Variants in CCDC183 observed in about 807,000 individuals in gnomAD.
The protein encoded by CCDC183 is coiled-coil domain containing 183.
CCDC183 carries 63 observed loss-of-function variants against 65.2 expected under a neutral mutation model. That is an observed-to-expected ratio of 0.97 (90% CI 0.79 to 1.19). CCDC183 has a LOEUF of 1.19. Among genes scored for constraint, CCDC183 ranks in the 50% most tolerant of loss-of-function variants. CCDC183 has a pLI of 0.00. For synonymous variants in CCDC183, 323 were observed against 276.5 expected (o/e 1.17, Z -1.67); for missense variants, 769 against 689.3 (o/e 1.12, Z -1.30).
At position 136,807,588 on chromosome 9, in the gene CCDC183, C is replaced by G. The variant is rs760372605; in HGVS notation, c.1503C>G (p.Pro501=). 2 of 1,604,692 alleles carry G rather than the reference C, an allele frequency of 1.2e-6. No homozygotes were observed. Among genetic ancestry groups the G allele is most frequent in the South Asian group, 1.1e-5 (1 of 89,826 alleles). ...CGCCCGCAGACACCTTCCAGTTCCC[C>G]GACATGGACCACAGCTACGTCCCTT... ...EEDMIDTFQF[P]DMDHSYVPSR... is the part of the protein sequence containing the mutation. The change falls in exon 14 of 14, where the codon CCC becomes CCG. Residue 501 remains proline (P), a synonymous_variant. Coordinates refer to ENST00000338005, the MANE Select transcript of CCDC183 (RefSeq NM_001039374.5).
Position 136,804,626 on chromosome 9 carries a change from G to A in CCDC183, c.791G>A (p.Arg264Gln), listed in dbSNP as rs371117518. 4.6e-5 allele frequency: 74 copies of A among 1,613,522 alleles called. 1 individual carries two copies. In the Admixed American group the frequency reaches 8.7e-4, roughly 19 times the overall value. ...HTKETSEKYRRGQMDLDFPSN... is the reference protein window; with the variant it reads ...HTKETSEKYRQGQMDLDFPSN... Reference sequence around the variant, plus strand: ...AAGGAGACCAGCGAGAAGTACCGCCGGGTAAGCCCCAGGCCAGGGCCTGGC... The same window carrying A: ...AAGGAGACCAGCGAGAAGTACCGCCAGGTAAGCCCCAGGCCAGGGCCTGGC... Residue 264 changes from arginine to glutamine, a missense_variant and splice_region_variant, in exon 7 of 14, where the codon CGG (arginine) becomes CAG (glutamine). By Grantham distance (43) the Arg-to-Gln change is conservative (BLOSUM62 1). Coordinates refer to ENST00000338005, the MANE Select transcript of CCDC183 (RefSeq NM_001039374.5). This position sits in a 1 kb window ranked among gnomAD's most constrained non-coding sequence, Gnocchi z 4.1.
At chr9:136,801,492 G>A (rs1218278613) in intron 5 of CCDC183, among the ~76,000 whole-genome samples, 6 of 152,022 alleles carry the variant, frequency 3.9e-5, no homozygotes, top group Non-Finnish European at 7.4e-5. Context: ...GATCACTTGA[G>A]GTCAGGAGTT....
At position 136,804,565 on chromosome 9, in the gene CCDC183, A is replaced by G; in HGVS notation, c.730A>G (p.Asn244Asp). The change falls in exon 7 of 14, where the codon AAC becomes GAC. Residue 244 changes from asparagine (N) to aspartate (D), a missense_variant. Asn to Asp is a conservative substitution (Grantham distance 23). Transcript: ENST00000338005. This position sits in a 1 kb window ranked among gnomAD's most constrained non-coding sequence, Gnocchi z 4.1. ...GCGCCGGGCAAGGGAGAACCGGCTC[A>G]ACCAGCAGAAGAAGCTGATCGACAA... ...EERRARENRL[N>D]QQKKLIDKIH... is the part of the protein sequence containing the mutation. 6.2e-7 allele frequency: 1 copy of G among 1,613,412 alleles called. No individual in the cohort carries two copies. Among genetic ancestry groups the G allele is most frequent in the Non-Finnish European group, 8.5e-7 (1 of 1,179,858 alleles).
Position 136,800,378 on chromosome 9 carries a change from G to A in CCDC183, c.439-11G>A, listed in dbSNP as rs1847720682. ...CCCACGCCCTCTCACTGCGCCCTCG[G>A]TCCGCCCCAGATCATCCGCCAGCTG... On this transcript the variant is annotated splice_polypyrimidine_tract_variant and intron_variant, in intron 4 of 13. Coordinates refer to ENST00000338005, the MANE Select transcript of CCDC183 (RefSeq NM_001039374.5). 1 of 1,604,042 alleles carries A rather than the reference G, an allele frequency of 6.2e-7. No homozygotes were observed.
At chr9:136,806,407 C>A in intron 10 of CCDC183, 97 bp from the exon 11 acceptor site, 1 of 1,517,350 alleles carries the variant, frequency 6.6e-7, no homozygotes, top group Non-Finnish European at 9.0e-7. Flanking sequence ...GTCCCTGATT[C>A]TGGCACAGCA....
Position 136,806,642 on chromosome 9 carries a change from G to A in CCDC183, c.1248G>A (p.Arg416=), listed in dbSNP as rs1427616083. The A allele has an allele frequency of 3.7e-6, 6 of 1,613,678 alleles. No homozygotes were observed. Among genetic ancestry groups the A allele is most frequent in the Non-Finnish European group, 5.1e-6 (6 of 1,180,026 alleles). ...IQMGIDNLYV[R]LMGINLPATQ... ...TGGGCATCGACAACCTCTATGTCCG[G>A]CTGATGGGCATTAACTTGCCTGCGA... Residue 416 remains arginine, a synonymous_variant, in exon 11 of 14, where the codon CGG becomes CGA. Coordinates refer to ENST00000338005, the MANE Select transcript of CCDC183 (RefSeq NM_001039374.5).
chr9:136,797,205 C>T (rs1454431243), intron 1 of CCDC183, among the ~76,000 whole-genome samples: 3 of 152,234 alleles, frequency 2.0e-5, no homozygotes, highest in Admixed American at 2.0e-4. Flanking sequence ...CCTACGTGCA[C>T]ATCTGGGCAT....
chr9:136,806,207 C>G lies in CCDC183; in HGVS notation c.1078C>G (p.Leu360Val). ...VKQLELEEAV[L>V]KFRQKPSSIS... The stretch of plus-strand genomic sequence containing the variant: ...GCAGCTGGAGCTGGAGGAGGCCGTG[C>G]TCAAGTTCCGCCAGAAGCCTAGCTC... Residue 360 changes from leucine (L) to valine (V), a missense_variant, in exon 10 of 14, where the codon CTC (leucine) becomes GTC (valine). Transcript: ENST00000338005. The G allele has an allele frequency of 6.3e-7, 1 of 1,583,720 alleles. No homozygotes were observed. Among genetic ancestry groups the G allele is most frequent in the Non-Finnish European group, 8.6e-7 (1 of 1,164,970 alleles).
intron 3 of CCDC183, 28 bp downstream of exon 3, chr9:136,799,818 C>A (rs1301522360): frequency 3.0e-5 from 48 of 1,589,460 alleles, no homozygotes; most frequent in Non-Finnish European, 4.0e-5. Flanking sequence ...GCCTCGAGAC[C>A]CAACCCTCCC....
intron 6 of CCDC183, among the ~76,000 whole-genome samples, chr9:136,803,258 C>T (rs541686686): frequency 1.1e-5 from 1 of 92,836 alleles, no homozygotes; most frequent in South Asian, 3.5e-4. Flanking sequence ...CGGATGGGGT[C>T]AAGGTGAGCT....
chr9:136,807,356 TG>T, intron 13 of CCDC183: 1 of 699,418 alleles, frequency 1.4e-6, no homozygotes, highest in Non-Finnish European at 2.3e-6. Context: ...GGTGAAGGCC[TG>T]GGCCGGAGCT....
intron 5 of CCDC183, among the ~76,000 whole-genome samples, chr9:136,801,206 C>T (rs1230522505): frequency 1.3e-5 from 2 of 151,870 alleles, no homozygotes; most frequent in Non-Finnish European, 2.9e-5. Flanking sequence ...CTGCTGTGGT[C>T]CCAGCCCAGG....
intron 2 of CCDC183, 154 bp downstream of exon 2, chr9:136,799,377 T>C (rs571632972): frequency 1.4e-5 from 17 of 1,232,990 alleles, no homozygotes; most frequent in Admixed American, 8.9e-5. Context: ...ACCTGTGCCC[T>C]GGGCTCCAGT....
chr9:136,799,321 C>A, intron 2 of CCDC183, 98 bp downstream of exon 2: 34 of 1,468,534 alleles, frequency 2.3e-5, no homozygotes, highest in Non-Finnish European at 3.1e-5. Context: ...ACCCCCACCC[C>A]AATCTTTCTG....
At chr9:136,802,524 C>A in intron 5 of CCDC183, 140 bp from the exon 6 acceptor site, 3 of 1,221,210 alleles carry the variant, frequency 2.5e-6, no homozygotes, top group Non-Finnish European at 3.4e-6. Context: ...CACCGTTGTG[C>A]CCAGCGGGGA....
chr9:136,798,621 G>A (rs955761988), intron 1 of CCDC183, among the ~76,000 whole-genome samples: 12 of 152,132 alleles, frequency 7.9e-5, no homozygotes, highest in African/African-American at 2.9e-4. Context: ...TTAATACAGG[G>A]ACAATCCAGG....
intron 5 of CCDC183, chr9:136,800,814 A>G (rs916191685): frequency 3.4e-6 from 1 of 291,066 alleles, no homozygotes; most frequent in Non-Finnish European, 6.6e-6. Flanking sequence ...ACCCTCAGAA[A>G]GTCCTTGCAC....
chr9:136,798,971 C>T, intron 1 of CCDC183, 131 bp from the exon 2 acceptor site: 7 of 1,259,102 alleles, frequency 5.6e-6, no homozygotes, highest in Non-Finnish European at 7.7e-6. Flanking sequence ...GAGGAGGGAT[C>T]TTGGCCATGG....
At chr9:136,806,432 G>C (rs1360976100) in intron 10 of CCDC183, 72 bp from the exon 11 acceptor site, 2 of 1,585,416 alleles carry the variant, frequency 1.3e-6, no homozygotes, top group East Asian at 2.2e-5. Flanking sequence ...ACTCAGGACT[G>C]GGCTCCTGGG....
Sources: gnomAD v4.1 joint callset for allele counts (sites outside exome capture counted in the v4.1 genomes callset) on GRCh38, gnomAD v4.1.1 for gene constraint, Gnocchi (gnomAD v3.1) non-coding constraint, MANE v1.5 for transcripts, NCBI Gene and HGNC (gene_info 2026-07-23, HGNC 2026-07-21) for gene names.